ANK1: variants seen among roughly 807,000 people sequenced by gnomAD.
The protein encoded by ANK1 is ankyrin-1.
In ANK1, 51 loss-of-function variants were observed where a neutral mutation model predicts 210.4. That is an observed-to-expected ratio of 0.24 (90% CI 0.19 to 0.31). The LOEUF (loss-of-function observed/expected upper bound fraction) is 0.31. ANK1 is among the 10% of genes least tolerant of loss of function. The pLI is 1.00. For missense variants in ANK1, 2,051 were observed against 2,504.4 expected (o/e 0.82, Z 3.86); for synonymous variants, 967 against 1,025.9 (o/e 0.94, Z 1.10).
At chr8:41,814,376 A>G (rs1403134288) in intron 1 of ANK1, among the ~76,000 whole-genome samples, 3 of 147,068 alleles carry the variant, frequency 2.0e-5, no homozygotes, top group Non-Finnish European at 4.5e-5. Context: ...AAAAAAAAAA[A>G]GTATCCTCCT....
intron 37 of ANK1, among the ~76,000 whole-genome samples, chr8:41,677,588 T>C (rs1814575231): frequency 7.3e-6 from 1 of 137,674 alleles, no homozygotes; most frequent in Non-Finnish European, 1.6e-5. Flanking sequence ...TTTTCCCTTT[T>C]TCTTTGTTTT....
chr8:41,856,689 T>C (rs1007279960), intron 1 of ANK1, among the ~76,000 whole-genome samples: 4 of 152,164 alleles, frequency 2.6e-5, no homozygotes, highest in African/African-American at 9.7e-5. Context: ...ACAATGTTCA[T>C]TGGAGCATTT....
At chr8:41,816,284 A>G (rs1447451905) in intron 1 of ANK1, among the ~76,000 whole-genome samples, 2 of 152,234 alleles carry the variant, frequency 1.3e-5, no homozygotes, top group Non-Finnish European at 2.9e-5. Flanking sequence ...TGATATACAC[A>G]CAGTAATGGA....
intron 1 of ANK1, among the ~76,000 whole-genome samples, chr8:41,793,210 T>C (rs1382732000): frequency 6.6e-6 from 1 of 152,016 alleles, no homozygotes; most frequent in Non-Finnish European, 1.5e-5. Context: ...GACCCCTGTC[T>C]CTACAAAAAA....
At chr8:41,883,997 G>A (rs1161907026) in intron 1 of ANK1, among the ~76,000 whole-genome samples, 2 of 152,228 alleles carry the variant, frequency 1.3e-5, no homozygotes, top group Non-Finnish European at 2.9e-5. Flanking sequence ...AGGGAACTGG[G>A]AGATGCCAGG....
intron 5 of ANK1, among the ~76,000 whole-genome samples, chr8:41,726,479 T>C (rs970267123): frequency 1.3e-5 from 2 of 152,130 alleles, no homozygotes; most frequent in African/African-American, 4.8e-5. Flanking sequence ...AGCCTTAACC[T>C]CTTGGGCTCA....
At position 41,661,495 on chromosome 8, in the gene ANK1, G is replaced by C. The variant is rs145235970; in HGVS notation, c.5614C>G (p.Arg1872Gly). ...TGTTTCCCCCTTTTCAGGCTGGCCCGCTTCACTATCTGCGCCCCCTTCCTG... is the reference window on the plus strand; with the variant it reads ...TGTTTCCCCCTTTTCAGGCTGGCCCCCTTCACTATCTGCGCCCCCTTCCTG... ...EGRKGAQIVKRASLKRGKQ is the reference protein window; with the variant it reads ...EGRKGAQIVKGASLKRGKQ Residue 1872 changes from arginine (R) to glycine (G), a missense_variant, in exon 42 of 43, where the codon CGG becomes GGG. Transcript: ENST00000289734. The C allele has an allele frequency of 1.2e-6, 2 of 1,613,964 alleles. No individual in the cohort carries two copies. The highest frequency in any genetic ancestry group is 2.7e-5 in the African/African-American group (2 of 75,024).
In ANK1 at chr8:41,684,676, T is replaced by C. The variant is rs765006361; in HGVS notation, c.4405A>G (p.Thr1469Ala). Residue 1469 changes from threonine (T) to alanine (A), a missense_variant, in exon 37 of 43, where the codon ACA (threonine) becomes GCA (alanine). Around this residue, in one of 6 missense-constraint regions of ANK1, gnomAD observed 496 missense variants for 533.4 expected, o/e 0.93. Transcript: ENST00000289734. Reference protein sequence around the residue: ...GQNANMENLYTALQSIDRGEI... With the variant: ...GQNANMENLYAALQSIDRGEI... ...CCACGGTCAATGCTCTGCAGGGCTGTGTACAGATTCTCCACTGTGGGCGCA... is the reference window on the plus strand; with the variant it reads ...CCACGGTCAATGCTCTGCAGGGCTGCGTACAGATTCTCCACTGTGGGCGCA... 11 of 1,613,908 alleles carry C rather than the reference T, an allele frequency of 6.8e-6. No homozygotes were observed. The highest frequency in any genetic ancestry group is 9.3e-6 in the Non-Finnish European group (11 of 1,180,018).
intron 1 of ANK1, chr8:41,789,390 GA>G (rs1847131958): frequency 6.6e-6 from 1 of 152,338 alleles, no homozygotes; most frequent in South Asian, 2.1e-4. Context: ...GGGCAACCAC[GA>G]TGGTCTTTGG....
chr8:41,875,826 G>T lies in ANK1; in HGVS notation c.126+20529C>A, dbSNP rs117636567. 7.1e-3 allele frequency among the ~76,000 whole-genome samples: 1,077 copies of T among 152,278 alleles called. 4 individuals are homozygous for T. Among genetic ancestry groups the T allele is most frequent in the Non-Finnish European group, 0.011 (750 of 68,006 alleles). ...TTTTTCCTCTTGGCAGTGTTTTGTAGATGATCTAGTGTTACACGGCGCAGG... is the reference window on the plus strand; with the variant it reads ...TTTTTCCTCTTGGCAGTGTTTTGTATATGATCTAGTGTTACACGGCGCAGG... On this transcript the variant is annotated intron_variant, in intron 1 of 42. Transcript: ENST00000265709.
At chr8:41,709,807 A>G (rs1215941064) in intron 16 of ANK1, among the ~76,000 whole-genome samples, 2 of 152,174 alleles carry the variant, frequency 1.3e-5, no homozygotes, top group African/African-American at 4.8e-5. Flanking sequence ...ATGGTGGTGC[A>G]TGCTGTAGCT....
chr8:41,690,831 A>C (rs1819082322), intron 31 of ANK1, among the ~76,000 whole-genome samples: 1 of 152,272 alleles, frequency 6.6e-6, no homozygotes, highest in South Asian at 2.1e-4. Context: ...GGGATCTTCA[A>C]ATATCCCTGA....
In ANK1 at chr8:41,893,283, C is replaced by T. The variant is rs374268727; in HGVS notation, c.126+3072G>A. On this transcript the variant is annotated intron_variant, in intron 1 of 42. Coordinates refer to the ANK1 transcript ENST00000265709. Reference sequence around the variant, plus strand: ...AACCTTCAAAAGCAGGGGGACTTATCAGTAAATATCATAAACGCTGGATTT... The same window carrying T: ...AACCTTCAAAAGCAGGGGGACTTATTAGTAAATATCATAAACGCTGGATTT... Among the ~76,000 whole-genome samples the T allele has an allele frequency of 2.1e-4, 32 of 152,312 alleles. 1 individual carries two copies. Among genetic ancestry groups the T allele is most frequent in the African/African-American group, 7.2e-4 (30 of 41,562 alleles).
rs1830544315 is a variant in ANK1 at position 41,725,816 on chromosome 8, G to A, written c.557C>T (p.Thr186Met). 1 of 1,611,984 alleles carries A rather than the reference G, an allele frequency of 6.2e-7. No individual in the cohort carries two copies. Among genetic ancestry groups the A allele is most frequent in the Admixed American group, 1.7e-5 (1 of 59,966 alleles). ...ALHIAARNDD[T>M]RTAAVLLQND... Reference sequence around the variant, plus strand: ...CTGCAGCAGCACCGCAGCCGTGCGCGTGTCGTCGTTGCGGGCCGCGATGTG... The same window carrying A: ...CTGCAGCAGCACCGCAGCCGTGCGCATGTCGTCGTTGCGGGCCGCGATGTG... The change falls in exon 6 of 43, where the codon ACG becomes ATG. Residue 186 changes from threonine to methionine, a missense_variant. Transcript: ENST00000289734.
intron 1 of ANK1, among the ~76,000 whole-genome samples, chr8:41,775,692 C>T (rs1317151981): frequency 6.6e-6 from 1 of 152,168 alleles, no homozygotes; most frequent in African/African-American, 2.4e-5. Flanking sequence ...CCAGCCTGGG[C>T]AACATAGCAA....
At chr8:41,724,033 C>T (rs1830054116) in intron 7 of ANK1, among the ~76,000 whole-genome samples, 1 of 151,968 alleles carries the variant, frequency 6.6e-6, no homozygotes, top group Non-Finnish European at 1.5e-5. Context: ...CGTGATCCGC[C>T]CGTCTCGGCC....
intron 1 of ANK1, among the ~76,000 whole-genome samples, chr8:41,873,676 A>G (rs1815993438): frequency 6.6e-6 from 1 of 152,188 alleles, no homozygotes; most frequent in South Asian, 2.1e-4. Context: ...GCTAAGGCTC[A>G]CTGGTATTTT....
chr8:41,870,736 C>T lies in ANK1; in HGVS notation c.126+25619G>A, dbSNP rs527904520. Among the ~76,000 whole-genome samples, 498 of 152,318 alleles carry T rather than the reference C, an allele frequency of 3.3e-3. 4 individuals carry two copies. The highest frequency in any genetic ancestry group is 0.011 in the African/African-American group (468 of 41,566). On this transcript the variant is annotated intron_variant, in intron 1 of 42. Transcript: ENST00000265709. ...GCAGAAAGGGTGGGCCCGGCACACA[C>T]GTTAGCCGAGTCCCTGGCTTTAGCT...
intron 1 of ANK1, among the ~76,000 whole-genome samples, chr8:41,878,089 G>T (rs571694858): frequency 6.6e-6 from 1 of 152,186 alleles, no homozygotes; most frequent in Admixed American, 6.5e-5. Context: ...GTCCACAGCG[G>T]TACCAGACAC....
Sources: allele counts gnomAD v4.1 joint callset (sites outside exome capture counted in the v4.1 genomes callset), GRCh38; gene constraint gnomAD v4.1.1; regional missense constraint gnomAD v4.1.1; transcripts MANE v1.5; gene names NCBI Gene and HGNC (gene_info 2026-07-23, HGNC 2026-07-21).